The following MAPKAP1 variants were observed in gnomAD, a reference collection of about 807,000 sequenced individuals.
MAPKAP1 encodes the protein target of rapamycin complex 2 subunit MAPKAP1.
Under a neutral mutation model 65.7 loss-of-function variants are expected in MAPKAP1, and 20 were observed. The observed-to-expected ratio is 0.30, with a 90% confidence interval of 0.21 to 0.44. The LOEUF (loss-of-function observed/expected upper bound fraction) is 0.44. Ranked by LOEUF, MAPKAP1 falls within the 20% of genes least tolerant of loss-of-function variation. The probability of loss-of-function intolerance (pLI) is 1.00; values close to 1 mark genes in which losing one functional copy is unlikely to be tolerated. For synonymous variants in MAPKAP1, 222 were observed against 244.3 expected, an observed-to-expected ratio of 0.91 and a Z score of 0.85; for missense variants, 423 against 648.0, an observed-to-expected ratio of 0.65 and a Z score of 3.77.
Position 125,595,083 on chromosome 9 carries a change from T to G in MAPKAP1, c.499-9356A>C, listed in dbSNP as rs1284214400. Among the ~76,000 whole-genome samples, 2 of 152,230 alleles carry G rather than the reference T, an allele frequency of 1.3e-5. No homozygotes were observed. Among genetic ancestry groups the G allele is most frequent in the African/African-American group, 4.8e-5 (2 of 41,462 alleles). ...TATGGTGGTACCACCTATTCTCCCA[T>G]TTTTAGAAATGGAAGCTGTTTACAA... On this transcript the variant is annotated intron_variant, in intron 4 of 11. Coordinates refer to ENST00000265960, the MANE Select transcript of MAPKAP1 (RefSeq NM_001006617.3). The surrounding 1 kb of genome is among the most constrained non-coding windows in gnomAD (Gnocchi z 4.0).
intron 7 of MAPKAP1, among the ~76,000 whole-genome samples, chr9:125,518,017 T>C (rs905274116): frequency 6.6e-6 from 1 of 152,216 alleles, no homozygotes; most frequent in Non-Finnish European, 1.5e-5. Flanking sequence ...AAAAGGCTCT[T>C]TGTTGGTGCT....
At chr9:125,462,432 A>C (rs1853531494) in intron 10 of MAPKAP1, among the ~76,000 whole-genome samples, 1 of 152,200 alleles carries the variant, frequency 6.6e-6, no homozygotes, top group Non-Finnish European at 1.5e-5. Flanking sequence ...GGCCCATGAC[A>C]ATCCCCTGCA....
chr9:125,694,909 T>A lies in MAPKAP1; in HGVS notation c.-70+12062A>T, dbSNP rs554471579. Reference sequence around the variant, plus strand: ...TTAGCATATTCTTATAAGTCCCAAGTATAAATGACAGAGGTCTGTCATTGA... The same window carrying A: ...TTAGCATATTCTTATAAGTCCCAAGAATAAATGACAGAGGTCTGTCATTGA... On this transcript the variant is annotated intron_variant, in intron 1 of 11. Transcript: ENST00000265960. Among the ~76,000 whole-genome samples the A allele has an allele frequency of 3.3e-5, 5 of 152,324 alleles. No individual in the cohort carries two copies. In the South Asian group the frequency reaches 8.3e-4, roughly 25 times the overall value.
At chr9:125,624,369 A>G (rs1412620893) in intron 4 of MAPKAP1, among the ~76,000 whole-genome samples, 3 of 47,548 alleles carry the variant, frequency 6.3e-5, no homozygotes, top group African/African-American at 1.3e-4. Context: ...CAGCCGCCCC[A>G]TCCGGGAGGG....
intron 1 of MAPKAP1, among the ~76,000 whole-genome samples, chr9:125,693,721 G>GTATATATACACACACATATACACA (rs1491508540): frequency 0.034 from 1,986 of 58,994 alleles, 170 homozygotes; most frequent in East Asian, 0.2. Context: ...ATATATACAC[G>GTATATATACACACACATATACACA]TATATACACA....
chr9:125,480,959 G>A (rs562035385), intron 9 of MAPKAP1, among the ~76,000 whole-genome samples: 48 of 126,280 alleles, frequency 3.8e-4, no homozygotes, highest in Admixed American at 3.1e-3. Flanking sequence ...GTGACAGAGC[G>A]AGACTCCGTT....
At chr9:125,596,543 G>T in intron 4 of MAPKAP1, 1 of 709,222 alleles carries the variant, frequency 1.4e-6, no homozygotes. Context: ...GGTGGTGGAA[G>T]CCAGTACTTT....
chr9:125,558,480 G>A (rs965519282), intron 6 of MAPKAP1, among the ~76,000 whole-genome samples: 5 of 152,278 alleles, frequency 3.3e-5, no homozygotes, highest in African/African-American at 1.2e-4. Flanking sequence ...CTCAAGGGTA[G>A]AAAGAGCCAA....
chr9:125,537,424 T>C lies in MAPKAP1; in HGVS notation c.958+5635A>G, dbSNP rs1273904132. ...CTCCATTCATTAGCTCCCATGTCGT[T>C]GGAAGGGGTCCTCCTTTTGGAAAGA... is the stretch of plus-strand genomic sequence containing the variant. On this transcript the variant is annotated intron_variant, in intron 7 of 11. Transcript: ENST00000265960. Among the ~76,000 whole-genome samples the C allele has an allele frequency of 2.0e-5, 3 of 152,204 alleles. No homozygotes were observed. In the East Asian group the frequency reaches 5.8e-4, roughly 29 times the overall value.
chr9:125,689,663 C>T lies in MAPKAP1; in HGVS notation c.-69-17020G>A, dbSNP rs544594432. Among the ~76,000 whole-genome samples the T allele has an allele frequency of 7.5e-5, 11 of 147,400 alleles. No homozygotes were observed. The East Asian group carries it at 2.0e-3, about 27-fold the overall frequency. The stretch of plus-strand genomic sequence containing the variant: ...CTGAGGCGTGAGAATCACTTGAACC[C>T]GGGAGGTGGAGGTTGCAGTGAGCCA... On this transcript the variant is annotated intron_variant, in intron 1 of 11. Transcript: ENST00000265960.
At chr9:125,531,132 C>T (rs1388208698) in intron 7 of MAPKAP1, among the ~76,000 whole-genome samples, 1 of 152,180 alleles carries the variant, frequency 6.6e-6, no homozygotes, top group African/African-American at 2.4e-5. Flanking sequence ...CTTGCTGCCA[C>T]CCCCAGCTGA....
chr9:125,463,919 T>C (rs1853585284), intron 10 of MAPKAP1, among the ~76,000 whole-genome samples: 4 of 152,202 alleles, frequency 2.6e-5, no homozygotes, highest in African/African-American at 9.6e-5. Context: ...AACCTTCTTA[T>C]GATGAAACCA....
Position 125,557,153 on chromosome 9 carries a change from A to G in MAPKAP1, c.848+2480T>C, listed in dbSNP as rs75198972. 1.2e-3 allele frequency among the ~76,000 whole-genome samples: 176 copies of G among 152,212 alleles called. 2 individuals carry two copies. The East Asian group carries it at 0.028, about 24-fold the overall frequency. ...ACTCTCTGCCTTCCCCCTCCTTCCT[A>G]TTCTCCAGAAGGCAGGGTTCATAGT... On this transcript the variant is annotated intron_variant, in intron 6 of 11. Coordinates refer to ENST00000265960, the MANE Select transcript of MAPKAP1 (RefSeq NM_001006617.3).
At chr9:125,491,540 G>A (rs866086439) in intron 8 of MAPKAP1, among the ~76,000 whole-genome samples, 3 of 152,162 alleles carry the variant, frequency 2.0e-5, no homozygotes, top group Middle Eastern at 3.4e-3. Context: ...ACTTCTGGAG[G>A]CCAAGGCAGG....
intron 10 of MAPKAP1, among the ~76,000 whole-genome samples, chr9:125,446,744 C>A (rs973508419): frequency 6.6e-6 from 1 of 152,254 alleles, no homozygotes; most frequent in South Asian, 2.1e-4. Context: ...CCCGAAGCTT[C>A]GGGGTTCACT....
chr9:125,666,577 T>G lies in MAPKAP1; in HGVS notation c.349+3241A>C, dbSNP rs564267705. Among the ~76,000 whole-genome samples, 5 of 152,298 alleles carry G rather than the reference T, an allele frequency of 3.3e-5. 1 individual carries two copies. Among genetic ancestry groups the G allele is most frequent in the Admixed American group, 3.3e-4 (5 of 15,288 alleles). ...TAGCTCCTCAGGAGGTTGACACACT[T>G]GAATCCAGAGTTTGAGGCCAGCCTG... On this transcript the variant is annotated intron_variant, in intron 3 of 11. Coordinates refer to ENST00000265960, the MANE Select transcript of MAPKAP1 (RefSeq NM_001006617.3).
intron 5 of MAPKAP1, among the ~76,000 whole-genome samples, chr9:125,584,075 AAAG>A: frequency 6.6e-6 from 1 of 152,256 alleles, no homozygotes. Context: ...AAAAAAAAAA[AAAG>A]AATTACTTCA....
intron 8 of MAPKAP1, among the ~76,000 whole-genome samples, chr9:125,491,454 T>C (rs1458888892): frequency 6.6e-6 from 1 of 151,850 alleles, no homozygotes; most frequent in African/African-American, 2.4e-5. Flanking sequence ...AAAATTTTTT[T>C]TAAAGAAATT....
rs147768006 is a variant in MAPKAP1, at chr9:125,547,287, A to G, written c.849-4119T>C. Among the ~76,000 whole-genome samples the G allele has an allele frequency of 3.3e-3, 501 of 152,254 alleles. 1 individual carries two copies. Among genetic ancestry groups the G allele is most frequent in the African/African-American group, 0.012 (479 of 41,542 alleles). On this transcript the variant is annotated intron_variant, in intron 6 of 11. Coordinates refer to ENST00000265960, the MANE Select transcript of MAPKAP1 (RefSeq NM_001006617.3). ...ACAGGTCTTCATCTGAAAAGCTTAG[A>G]TTCTATCTTTAGGAACAGAGCTGGA...
Sources: allele counts gnomAD v4.1 joint callset (sites outside exome capture counted in the v4.1 genomes callset), GRCh38; gene constraint gnomAD v4.1.1; non-coding constraint Gnocchi (gnomAD v3.1); transcripts MANE v1.5; gene names NCBI Gene and HGNC (gene_info 2026-07-23, HGNC 2026-07-21).